The following RANBP2 variants were observed in gnomAD, a reference collection of about 807,000 sequenced individuals.
RANBP2 encodes RAN binding protein 2.
RANBP2 carries 57 observed loss-of-function variants against 303.6 expected under a neutral mutation model. The observed-to-expected ratio is 0.19, with a 90% confidence interval of 0.15 to 0.23. RANBP2 has a LOEUF of 0.23. Ranked by LOEUF, RANBP2 falls within the 10% of genes least tolerant of loss-of-function variation. The pLI, the probability that RANBP2 is intolerant of heterozygous loss-of-function variation, is 1.00. For missense variants in RANBP2, 3,138 were observed against 3,780.8 expected, an observed-to-expected ratio of 0.83 and a Z score of 4.46; for synonymous variants, 1,167 against 1,301.5, an observed-to-expected ratio of 0.90 and a Z score of 2.23.
chr2:109,052,720 A>G, the RANBP2 span, among the ~76,000 whole-genome samples: 1 of 152,078 alleles, frequency 6.6e-6, no homozygotes, highest in Non-Finnish European at 1.5e-5. Context: ...GGCTAGTCTC[A>G]AACTCCTGAC....
the RANBP2 span, among the ~76,000 whole-genome samples, chr2:109,551,532 A>T: frequency 1.3e-5 from 2 of 152,356 alleles, no homozygotes; most frequent in South Asian, 4.1e-4. Flanking sequence ...TCTTGGGGCA[A>T]CTGGGGAAAT....
chr2:109,134,377 A>G, the RANBP2 span, among the ~76,000 whole-genome samples: 8 of 152,160 alleles, frequency 5.3e-5, no homozygotes, highest in African/African-American at 1.7e-4. Flanking sequence ...ACAGCTCACA[A>G]GAGACCAAAC....
the RANBP2 span, among the ~76,000 whole-genome samples, chr2:109,253,283 T>G: frequency 1.4e-4 from 21 of 152,330 alleles, no homozygotes; most frequent in African/African-American, 4.8e-4. Context: ...CCTCCCAAAG[T>G]GCTGGGATTG....
chr2:109,146,719 A>G, the RANBP2 span, among the ~76,000 whole-genome samples: 4 of 152,046 alleles, frequency 2.6e-5, no homozygotes, highest in South Asian at 8.3e-4. Context: ...GGGGCCCCAT[A>G]GAGTCTACAT....
chr2:109,591,307 C>T, the RANBP2 span, among the ~76,000 whole-genome samples: 1 of 152,042 alleles, frequency 6.6e-6, no homozygotes, highest in Admixed American at 6.5e-5. Flanking sequence ...TTTAGTTCTA[C>T]AATGACAGGA....
At position 108,755,381 on chromosome 2, in the gene RANBP2, G is replaced by A. The variant is rs534082733; in HGVS notation, c.2466+122G>A. 1.4e-5 allele frequency: 21 copies of A among 1,461,654 alleles called. No individual in the cohort carries two copies. In the African/African-American group the frequency reaches 2.7e-4, roughly 19 times the overall value. The allele number at this position is 1,461,654 out of a possible 1,614,324, so 90.5% of individuals were successfully genotyped here. ...TTGCCATCCAAATAGTATGGCAAGG[G>A]GACATTTTGGTCTTTTTTTTTTTTT... On this transcript the variant is annotated intron_variant, in intron 17 of 28. Coordinates refer to ENST00000283195, the MANE Select transcript of RANBP2 (RefSeq NM_006267.5).
At chr2:109,153,140 A>C in the RANBP2 span, among the ~76,000 whole-genome samples, 1 of 152,206 alleles carries the variant, frequency 6.6e-6, no homozygotes, top group African/African-American at 2.4e-5. Context: ...CAGTGGGGCA[A>C]ATATTTCAAT....
the RANBP2 span, among the ~76,000 whole-genome samples, chr2:109,396,143 G>A: frequency 2.0e-5 from 3 of 152,186 alleles, no homozygotes; most frequent in Non-Finnish European, 4.4e-5. Context: ...CTGTCAAGTG[G>A]GCAGAGAACA....
the RANBP2 span, among the ~76,000 whole-genome samples, chr2:109,254,547 C>A: frequency 6.6e-6 from 1 of 152,234 alleles, no homozygotes; most frequent in Non-Finnish European, 1.5e-5. Context: ...GGCAATACAA[C>A]ATTGTAGATG....
chr2:109,016,866 T>C, the RANBP2 span, among the ~76,000 whole-genome samples: 1 of 152,086 alleles, frequency 6.6e-6, no homozygotes, highest in African/African-American at 2.4e-5. Flanking sequence ...GGGGTGGAAG[T>C]TCATGAACTG....
chr2:109,139,233 G>T, the RANBP2 span, among the ~76,000 whole-genome samples: 5 of 152,142 alleles, frequency 3.3e-5, no homozygotes, highest in Non-Finnish European at 7.3e-5. Flanking sequence ...GTTTGCATGA[G>T]AAAATGCGTG....
At chr2:108,990,353 C>T in the RANBP2 span, among the ~76,000 whole-genome samples, 1 of 149,172 alleles carries the variant, frequency 6.7e-6, no homozygotes, top group Non-Finnish European at 1.5e-5. Context: ...ATGGCGTGAA[C>T]CCGGGAAGCG....
the RANBP2 span, among the ~76,000 whole-genome samples, chr2:109,663,417 C>CTGGTA: frequency 6.6e-6 from 1 of 152,176 alleles, no homozygotes; most frequent in African/African-American, 2.4e-5. Flanking sequence ...ACCTACTGTG[C>CTGGTA]CCTGCTTCTT....
At chr2:109,351,915 G>A in the RANBP2 span, among the ~76,000 whole-genome samples, 22 of 152,340 alleles carry the variant, frequency 1.4e-4, no homozygotes, top group Admixed American at 5.9e-4. Context: ...AGTATGGGAA[G>A]TCTTACCTTT....
chr2:109,477,303 C>CG, the RANBP2 span, among the ~76,000 whole-genome samples: 1 of 152,200 alleles, frequency 6.6e-6, no homozygotes, highest in African/African-American at 2.4e-5. Flanking sequence ...ACAGCCTTCA[C>CG]GCCCAAAGAC....
At chr2:109,612,878 C>T in the RANBP2 span, among the ~76,000 whole-genome samples, 1 of 152,150 alleles carries the variant, frequency 6.6e-6, no homozygotes, top group African/African-American at 2.4e-5. Context: ...TCACTTTGGA[C>T]GGATCCTCTA....
the RANBP2 span, among the ~76,000 whole-genome samples, chr2:109,319,704 G>A: frequency 0.31 from 47,303 of 152,162 alleles, 9,132 homozygotes; most frequent in African/African-American, 0.55. Context: ...GTGCCGTGCC[G>A]GAGCCAAATG....
chr2:109,078,118 A>ATATG, the RANBP2 span, among the ~76,000 whole-genome samples: 91 of 45,440 alleles, frequency 2.0e-3, 2 homozygotes, highest in East Asian at 6.1e-3. Flanking sequence ...ATATATATAT[A>ATATG]GCGTGTATAT....
chr2:109,536,124 A>C, the RANBP2 span, among the ~76,000 whole-genome samples: 3 of 152,222 alleles, frequency 2.0e-5, no homozygotes, highest in East Asian at 5.8e-4. Context: ...AGAGCCAAAC[A>C]GAGTCCCTAC....
Sources: gnomAD v4.1 joint callset for allele counts (sites outside exome capture counted in the v4.1 genomes callset) on GRCh38, gnomAD v4.1.1 for gene constraint, MANE v1.5 for transcripts, NCBI Gene and HGNC (gene_info 2026-07-23, HGNC 2026-07-21) for gene names.